Variants in KIR2DL4 observed in about 807,000 individuals in gnomAD.
KIR2DL4 encodes killer cell immunoglobulin-like receptor 2DL4.
In KIR2DL4, 41 loss-of-function variants were observed where a neutral mutation model predicts 31.0. The observed-to-expected ratio is 1.32, with a 90% confidence interval of 1.03 to 1.72. The LOEUF is 1.72. Ranked by LOEUF, KIR2DL4 falls within the 40% of genes most tolerant of loss-of-function variation. KIR2DL4 has a pLI of 0.00. For synonymous variants in KIR2DL4, 164 were observed against 133.6 expected, an observed-to-expected ratio of 1.23 and a Z score of -1.57; for missense variants, 438 against 353.7, an observed-to-expected ratio of 1.24 and a Z score of -1.91.
intron 4 of KIR2DL4, among the ~76,000 whole-genome samples, chr19:54,808,217 C>T (rs2060641604): frequency 7.9e-6 from 1 of 125,884 alleles, no homozygotes; most frequent in Non-Finnish European, 1.6e-5. Flanking sequence ...TCCCAATGGT[C>T]TATTTTTTTG....
intron 2 of KIR2DL4, 53 bp downstream of exon 2, chr19:54,803,979 T>G: frequency 6.5e-7 from 1 of 1,530,148 alleles, no homozygotes; most frequent in Non-Finnish European, 9.0e-7. Flanking sequence ...TACAAGTGAA[T>G]TTTCCAGAAA....
exon 4 of KIR2DL4, chr19:54,806,071 G>A: frequency 1.2e-6 from 2 of 1,611,962 alleles, no homozygotes; most frequent in Non-Finnish European, 1.7e-6. Flanking sequence ...TCCAGGGAGG[G>A]GGAAGCCCAT....
chr19:54,809,835 T>G (rs1193436541), intron 5 of KIR2DL4, among the ~76,000 whole-genome samples: 1 of 151,198 alleles, frequency 6.6e-6, no homozygotes, highest in Non-Finnish European at 1.5e-5. Context: ...TAGGATACCC[T>G]CCTTTTAAGG....
chr19:54,813,579 G>T, intron 6 of KIR2DL4, 111 bp from the exon 6 acceptor site: 1 of 1,110,152 alleles, frequency 9.0e-7, no homozygotes. Context: ...GCTGTTGGCA[G>T]CTGAGGGACC....
chr19:54,807,524 A>T (rs1199661030), intron 4 of KIR2DL4, among the ~76,000 whole-genome samples: 1 of 150,536 alleles, frequency 6.6e-6, no homozygotes, highest in Non-Finnish European at 1.5e-5. Flanking sequence ...TGCAACCTCT[A>T]CCTCCAGGAT....
At chr19:54,811,968 G>A (rs1320421373) in intron 5 of KIR2DL4, among the ~76,000 whole-genome samples, 1 of 151,340 alleles carries the variant, frequency 6.6e-6, no homozygotes, top group East Asian at 1.9e-4. Flanking sequence ...ATATAAGACA[G>A]CTCAACCTCA....
chr19:54,811,499 C>A (rs2060866705), intron 5 of KIR2DL4, among the ~76,000 whole-genome samples: 2 of 151,218 alleles, frequency 1.3e-5, no homozygotes, highest in African/African-American at 4.9e-5. Flanking sequence ...ATAATGACTT[C>A]TTTGATCCTT....
chr19:54,813,273 G>C, intron 6 of KIR2DL4: 1 of 1,597,974 alleles, frequency 6.3e-7, no homozygotes, highest in Non-Finnish European at 8.5e-7. Context: ...GGCCCTGTGC[G>C]GAAGCAGGAT....
At position 54,814,316 on chromosome 19, in the gene KIR2DL4, A is replaced by G. The variant is rs1327681017; in HGVS notation, c.*516A>G. 15 of 600,326 alleles carry G rather than the reference A, an allele frequency of 2.5e-5. No homozygotes were observed. In the African/African-American group the frequency reaches 2.6e-4, roughly 11 times the overall value. The allele number at this position is 600,326 out of a possible 1,614,324, so 37.2% of individuals were successfully genotyped here. A position where few individuals can be genotyped will look rare whatever the true frequency, so the allele number is the denominator to read the frequency against. On this transcript the variant is annotated 3_prime_UTR_variant, in exon 8 of 8. Coordinates refer to ENST00000359085, the Ensembl canonical transcript of KIR2DL4. The stretch of plus-strand genomic sequence containing the variant: ...ACTTCCTAGTCTACTTGAGGCTGCA[A>G]TCACACTGAGGAACTCACAATTCCA...
intron 4 of KIR2DL4, 51 bp from the exon 5 acceptor site, chr19:54,808,782 T>C (rs1330698501): frequency 1.6e-6 from 2 of 1,266,630 alleles, no homozygotes; most frequent in East Asian, 2.4e-5. Flanking sequence ...TTCCATTGAG[T>C]AGAAGACAGG....
rs763165471 is a variant in KIR2DL4, at chr19:54,809,389, A to G, written c.706+506A>G. On this transcript the variant is annotated intron_variant, in intron 5 of 7. Transcript: ENST00000359085. ...CACTTACTCGTTCAGCCACTGCCCC[A>G]TGCTCAGACTGTGCAGTGTGGAACC... 1.1e-4 allele frequency among the ~76,000 whole-genome samples: 16 copies of G among 150,910 alleles called. 1 individual carries two copies. Among genetic ancestry groups the G allele is most frequent in the Non-Finnish European group, 1.3e-4 (9 of 67,884 alleles).
At chr19:54,809,970 T>TGCC (rs2060760553) in intron 5 of KIR2DL4, among the ~76,000 whole-genome samples, 2 of 149,678 alleles carry the variant, frequency 1.3e-5, no homozygotes, top group Non-Finnish European at 3.0e-5. Context: ...ATTCTTATCC[T>TGCC]TTCCACAAAT....
chr19:54,811,695 A>C (rs2147964550), intron 5 of KIR2DL4, among the ~76,000 whole-genome samples: 1 of 151,554 alleles, frequency 6.6e-6, no homozygotes, highest in South Asian at 2.1e-4. Flanking sequence ...CAATCACATT[A>C]ATGATACAGA....
In KIR2DL4 at chr19:54,810,418, C is replaced by A. The variant is rs1159124016; in HGVS notation, c.706+1535C>A. ...CTGAGATTAGAGGCGTGAGCCAAGGCGCCGAGCCGTATTTTAAAAGAAATA... is the reference window on the plus strand; with the variant it reads ...CTGAGATTAGAGGCGTGAGCCAAGGAGCCGAGCCGTATTTTAAAAGAAATA... On this transcript the variant is annotated intron_variant, in intron 5 of 7. Transcript: ENST00000359085. Among the ~76,000 whole-genome samples, 3 of 151,304 alleles carry A rather than the reference C, an allele frequency of 2.0e-5. No homozygotes were observed. The South Asian group carries it at 6.3e-4, about 32-fold the overall frequency.
chr19:54,814,381 C>T (rs1276762442), exon 8 of KIR2DL4: 25 of 477,054 alleles, frequency 5.2e-5, no homozygotes, highest in South Asian at 2.3e-4. Context: ...CACTTAGACA[C>T]GTGCTGTTCC....
At chr19:54,803,742 T>C (rs2060320255) in intron 1 of KIR2DL4, 51 bp downstream of exon 1, 18 of 1,592,064 alleles carry the variant, frequency 1.1e-5, no homozygotes, top group Middle Eastern at 1.7e-4. Context: ...GGCCTGCAGA[T>C]TGGGTGTCTC....
chr19:54,803,962 A>C (rs2060337886), intron 2 of KIR2DL4, 36 bp downstream of exon 2: 1 of 1,590,482 alleles, frequency 6.3e-7, no homozygotes, highest in Non-Finnish European at 8.6e-7. Context: ...TGCCATCTTC[A>C]CCCCAATACA....
intron 4 of KIR2DL4, among the ~76,000 whole-genome samples, chr19:54,807,494 A>G (rs1282829552): frequency 5.3e-5 from 8 of 150,988 alleles, no homozygotes; most frequent in African/African-American, 2.0e-4. Context: ...CTGGAGTGCA[A>G]TGGCACCACC....
intron 5 of KIR2DL4, among the ~76,000 whole-genome samples, chr19:54,812,200 A>G (rs2060903958): frequency 1.3e-5 from 2 of 151,264 alleles, no homozygotes; most frequent in Non-Finnish European, 2.9e-5. Context: ...CACACAGGGA[A>G]TACATTACAT....
Sources: allele counts gnomAD v4.1 joint callset (sites outside exome capture counted in the v4.1 genomes callset), GRCh38; gene constraint gnomAD v4.1.1; transcripts MANE v1.5; gene names NCBI Gene and HGNC (gene_info 2026-07-23, HGNC 2026-07-21).